CENPC: variants seen among roughly 807,000 people sequenced by gnomAD.
The protein encoded by CENPC is centromere protein C.
A neutral mutation model predicts 112.1 loss-of-function variants in CENPC; 63 were observed. That is an observed-to-expected ratio of 0.56 (90% CI 0.46 to 0.69). The LOEUF is 0.69. Ranked by LOEUF, CENPC falls within the 30% of genes least tolerant of loss-of-function variation. The pLI, the probability that CENPC is intolerant of heterozygous loss-of-function variation, is 0.00. For synonymous variants in CENPC, 333 were observed against 367.6 expected, an observed-to-expected ratio of 0.91 and a Z score of 1.08; for missense variants, 1,000 against 1,103.8, an observed-to-expected ratio of 0.91 and a Z score of 1.33.
At chr4:67,491,582 TC>T (rs930528474) in intron 16 of CENPC, among the ~76,000 whole-genome samples, 1 of 140,224 alleles carries the variant, frequency 7.1e-6, no homozygotes, top group Non-Finnish European at 1.5e-5. Flanking sequence ...CTATAGCCCA[TC>T]CCTTGGGGAT....
chr4:67,518,274 T>G lies in CENPC; in HGVS notation c.712A>C (p.Lys238Gln). 6.4e-7 allele frequency: 1 copy of G among 1,560,152 alleles called. No homozygotes were observed. The highest frequency in any genetic ancestry group is 8.7e-7 in the Non-Finnish European group (1 of 1,152,506). Residue 238 changes from lysine to glutamine, a missense_variant, in exon 7 of 19, where the codon AAA becomes CAA. Physicochemically the swap from Lys to Gln is moderately conservative, Grantham distance 53. Transcript: ENST00000273853. ...EDKTSEGQERKPSGSSQNRIR... is the reference protein window; with the variant it reads ...EDKTSEGQERQPSGSSQNRIR... ...CTATTCTGAGATGATCCTGATGGTT[T>G]TCTTTCTTGTCCTTCCGATGTTTTA...
chr4:67,507,790 C>T (rs1195014742), intron 10 of CENPC, among the ~76,000 whole-genome samples: 2 of 152,058 alleles, frequency 1.3e-5, no homozygotes, highest in East Asian at 1.9e-4. Context: ...ACAACAGAAG[C>T]AAAGCAAGCT....
chr4:67,540,679 A>C (rs1726861712), intron 3 of CENPC, among the ~76,000 whole-genome samples: 1 of 152,174 alleles, frequency 6.6e-6, no homozygotes, highest in African/African-American at 2.4e-5. Context: ...CAATAAATAA[A>C]TAAATAATAA....
chr4:67,492,643 G>A (rs1577978736), intron 15 of CENPC: 1 of 675,614 alleles, frequency 1.5e-6, no homozygotes, highest in Non-Finnish European at 2.1e-6. Context: ...ATTTGACTGG[G>A]AAATTTACTC....
chr4:67,498,035 A>C (rs1465659200), intron 12 of CENPC, among the ~76,000 whole-genome samples: 1 of 152,050 alleles, frequency 6.6e-6, no homozygotes, highest in Non-Finnish European at 1.5e-5. Flanking sequence ...GTTTGAGACA[A>C]GCCCGACCAA....
At chr4:67,532,256 G>A (rs1346524761) in intron 4 of CENPC, among the ~76,000 whole-genome samples, 1 of 152,186 alleles carries the variant, frequency 6.6e-6, no homozygotes, top group Non-Finnish European at 1.5e-5. Flanking sequence ...AACAGGTGCT[G>A]GAGAGGATGT....
At chr4:67,502,806 T>C (rs1301516317) in intron 12 of CENPC, among the ~76,000 whole-genome samples, 2 of 152,064 alleles carry the variant, frequency 1.3e-5, no homozygotes, top group African/African-American at 4.8e-5. Context: ...AACCTTCAAG[T>C]TCTCTCTAAC....
At chr4:67,483,472 T>C (rs1047497605) in intron 17 of CENPC, among the ~76,000 whole-genome samples, 1 of 151,926 alleles carries the variant, frequency 6.6e-6, no homozygotes, top group Admixed American at 6.6e-5. Flanking sequence ...GTAATGATAA[T>C]AAACAACTAT....
At position 67,518,168 on chromosome 4, in the gene CENPC, T is replaced by G; in HGVS notation, c.818A>C (p.Lys273Thr). ...STLFLETVKR[K>T]SESSPIVRHA... is the part of the protein sequence containing the mutation. ...CTTAATAACTCACCTGGATTCACTT[T>G]TTCGTTTTACTGTTTCTAAAAACAA... is the stretch of plus-strand genomic sequence containing the variant. The change falls in exon 7 of 19, where the codon AAA becomes ACA. Residue 273 changes from lysine to threonine, a missense_variant. By Grantham distance (78) the Lys-to-Thr change is moderately conservative. Transcript: ENST00000273853. The G allele has an allele frequency of 6.5e-7, 1 of 1,536,690 alleles. No homozygotes were observed. Among genetic ancestry groups the G allele is most frequent in the Non-Finnish European group, 8.8e-7 (1 of 1,139,048 alleles).
intron 18 of CENPC, 120 bp downstream of exon 18, chr4:67,474,768 C>A: frequency 1.5e-6 from 1 of 676,602 alleles, no homozygotes; most frequent in Non-Finnish European, 2.6e-6. Flanking sequence ...AAAATATGTA[C>A]CAAACTGTTC....
chr4:67,478,019 A>G (rs1724853832), intron 17 of CENPC, among the ~76,000 whole-genome samples: 1 of 152,134 alleles, frequency 6.6e-6, no homozygotes, highest in Non-Finnish European at 1.5e-5. Context: ...ATTAAAAAAA[A>G]AAATGAACAA....
Position 67,519,223 on chromosome 4 carries a change from T to A in CENPC, c.611A>T (p.Lys204Ile). The A allele has an allele frequency of 6.6e-7, 1 of 1,525,864 alleles. No individual in the cohort carries two copies. Among genetic ancestry groups the A allele is most frequent in the East Asian group, 2.3e-5 (1 of 43,582 alleles). 94.5% of individuals were successfully genotyped at this position (1,525,864 alleles called of 1,614,324 possible). A position where few individuals can be genotyped will look rare whatever the true frequency, so the allele number is the denominator to read the frequency against. ...TATTTAAATAAAATGTTACCTTTTT[T>A]TGGTTTTAACTGAAACCTCTGTACT... ...PSSTEVSVKT[K>I]KRLNFDDKVM... The change falls in exon 6 of 19, where the codon AAA becomes ATA. Residue 204 changes from lysine to isoleucine, a missense_variant. Transcript: ENST00000273853.
chr4:67,486,297 C>G (rs1300175373), intron 17 of CENPC, among the ~76,000 whole-genome samples: 2 of 152,108 alleles, frequency 1.3e-5, no homozygotes, highest in East Asian at 3.9e-4. Flanking sequence ...AATAAATGCC[C>G]AGTATCATAA....
intron 5 of CENPC, among the ~76,000 whole-genome samples, chr4:67,528,868 A>G (rs886107198): frequency 1.3e-5 from 2 of 152,122 alleles, no homozygotes; most frequent in Admixed American, 6.5e-5. Flanking sequence ...TGGTAGTTCT[A>G]TGTTTAACTT....
chr4:67,537,256 A>T (rs1157088), intron 4 of CENPC, among the ~76,000 whole-genome samples: 32,934 of 152,098 alleles, frequency 0.22, 3,585 homozygotes, highest in South Asian at 0.27. Context: ...ACTATTAAGT[A>T]AAATCTAAAT....
At chr4:67,498,583 C>G (rs1254220684) in intron 12 of CENPC, among the ~76,000 whole-genome samples, 1 of 152,204 alleles carries the variant, frequency 6.6e-6, no homozygotes, top group African/African-American at 2.4e-5. Flanking sequence ...GATTCCAACT[C>G]AAGAAATCAG....
At position 67,518,368 on chromosome 4, in the gene CENPC, C is replaced by T; in HGVS notation, c.618G>A (p.Arg206=). The T allele has an allele frequency of 6.6e-7, 1 of 1,520,446 alleles. No individual in the cohort carries two copies. The highest frequency in any genetic ancestry group is 1.4e-5 in the African/African-American group (1 of 71,316). The allele number at this position is 1,520,446 out of a possible 1,614,324, so 94.2% of individuals were successfully genotyped here. A position where few individuals can be genotyped will look rare whatever the true frequency, so the allele number is the denominator to read the frequency against. Residue 206 remains arginine, a splice_region_variant and synonymous_variant, in exon 7 of 19, where the codon AGG becomes AGA. Transcript: ENST00000273853. The part of the protein sequence containing the change: ...STEVSVKTKK[R]LNFDDKVMLK... ...ACATAACTTTATCATCAAAGTTTAA[C>T]CTAAAAGGTTAAAAGGAGGGTAAGC...
At chr4:67,491,480 T>TATATATAG (rs1725270093) in intron 16 of CENPC, among the ~76,000 whole-genome samples, 2 of 18,102 alleles carry the variant, frequency 1.1e-4, no homozygotes, top group Non-Finnish European at 2.1e-4. Flanking sequence ...TATATATATA[T>TATATATAG]AGAGAGAGAG....
chr4:67,490,135 A>G lies in CENPC; in HGVS notation c.2516-14T>C. 2 of 1,564,206 alleles carry G rather than the reference A, an allele frequency of 1.3e-6. No homozygotes were observed. The highest frequency in any genetic ancestry group is 1.7e-6 in the Non-Finnish European group (2 of 1,151,108). On this transcript the variant is annotated splice_polypyrimidine_tract_variant and intron_variant, in intron 16 of 18. Coordinates refer to ENST00000273853, the MANE Select transcript of CENPC (RefSeq NM_001812.4). Reference sequence around the variant, plus strand: ...GCCTTACAAGATCTAGGAGTAAAACAGTAATACAAATATAAAACAACAGCA... The same window carrying G: ...GCCTTACAAGATCTAGGAGTAAAACGGTAATACAAATATAAAACAACAGCA...
Sources: gnomAD v4.1 joint callset for allele counts (sites outside exome capture counted in the v4.1 genomes callset) on GRCh38, gnomAD v4.1.1 for gene constraint, MANE v1.5 for transcripts, NCBI Gene and HGNC (gene_info 2026-07-23, HGNC 2026-07-21) for gene names.